CRTC2: variants seen among roughly 807,000 people sequenced by gnomAD.
The protein encoded by CRTC2 is CREB-regulated transcription coactivator 2.
Under a neutral mutation model 70.9 loss-of-function variants are expected in CRTC2, and 25 were observed. The ratio of observed to expected loss-of-function variants is 0.35; its 90% CI spans 0.26 to 0.49. The LOEUF (loss-of-function observed/expected upper bound fraction) is 0.49. Ranked by LOEUF, CRTC2 falls within the 20% of genes least tolerant of loss-of-function variation. CRTC2 has a pLI of 0.98. For missense variants in CRTC2, 737 were observed against 882.6 expected, an observed-to-expected ratio of 0.83 and a Z score of 2.09; for synonymous variants, 330 against 364.1, an observed-to-expected ratio of 0.91 and a Z score of 1.07.
At chr1:153,949,010 C>T (rs1288138913) in intron 12 of CRTC2, 105 bp downstream of exon 12, 4 of 1,275,382 alleles carry the variant, frequency 3.1e-6, no homozygotes, top group Admixed American at 3.4e-5. Context: ...ACCACCCACC[C>T]CACCTAGATC....
intron 11 of CRTC2, among the ~76,000 whole-genome samples, chr1:153,951,028 A>G (rs1680287033): frequency 6.6e-6 from 1 of 152,220 alleles, no homozygotes; most frequent in African/African-American, 2.4e-5. Flanking sequence ...GGTGACTGCT[A>G]GTAAGAGGTG....
At chr1:153,957,488 T>G (rs1440554085) in intron 1 of CRTC2, among the ~76,000 whole-genome samples, 1 of 152,066 alleles carries the variant, frequency 6.6e-6, no homozygotes, top group Non-Finnish European at 1.5e-5. Context: ...CCTCCAGCCT[T>G]GGAAAGCAAG....
chr1:153,955,712 A>C (rs1252098928), intron 1 of CRTC2, among the ~76,000 whole-genome samples: 1 of 150,938 alleles, frequency 6.6e-6, no homozygotes, highest in Non-Finnish European at 1.5e-5. Flanking sequence ...AAAAATAAAG[A>C]AATTATCTGC....
At position 153,952,389 on chromosome 1, in the gene CRTC2, GTACT is replaced by G; in HGVS notation, c.752+4_752+7del. On this transcript the variant is annotated splice_donor_5th_base_variant and intron_variant, in intron 9 of 13. Coordinates refer to ENST00000368633, the MANE Select transcript of CRTC2 (RefSeq NM_181715.3). ...CCCACCTCTCAGCCAACCTCAGGGA[GTACT>G]TACTTAATTCCAGGGACTTCACAGG... The G allele has an allele frequency of 1.2e-6, 2 of 1,614,092 alleles. No individual in the cohort carries two copies. Among genetic ancestry groups the G allele is most frequent in the Non-Finnish European group, 1.7e-6 (2 of 1,179,944 alleles).
chr1:153,952,039 C>T lies in CRTC2; in HGVS notation c.976G>A (p.Gly326Ser), dbSNP rs1271444407. ...HLGISRGMGL[G>S]PGYDAPGLHS... The stretch of plus-strand genomic sequence containing the variant: ...TCACCTGGTGCATCATAGCCTGGGC[C>T]CAGGCCCATGCCCCTGCTGATGCCC... The change falls in exon 10 of 14, where the codon GGC (glycine) becomes AGC (serine). Residue 326 changes from glycine (G) to serine (S), a missense_variant. Around this residue, in one of 3 missense-constraint regions of CRTC2, gnomAD observed 699 missense variants for 823.7 expected, o/e 0.85. Coordinates refer to ENST00000368633, the MANE Select transcript of CRTC2 (RefSeq NM_181715.3). The T allele has an allele frequency of 6.2e-7, 1 of 1,613,748 alleles. No homozygotes were observed. Among genetic ancestry groups the T allele is most frequent in the African/African-American group, 1.3e-5 (1 of 74,906 alleles).
intron 3 of CRTC2, among the ~76,000 whole-genome samples, chr1:153,954,641 GTGAAGACA>G (rs1680531007): frequency 6.6e-6 from 1 of 152,236 alleles, no homozygotes; most frequent in Non-Finnish European, 1.5e-5. Context: ...GCAAGCTGAT[GTGAAGACA>G]GCCAGAGCCA....
intron 12 of CRTC2, chr1:153,948,849 A>T (rs544926863): frequency 9.4e-6 from 7 of 747,384 alleles, no homozygotes; most frequent in Non-Finnish European, 1.6e-5. Flanking sequence ...GGGCCAGAGC[A>T]TGTGCATGCC....
At position 153,951,343 on chromosome 1, in the gene CRTC2, G is replaced by C. The variant is rs1037455921; in HGVS notation, c.1321C>G (p.Pro441Ala). The C allele has an allele frequency of 1.1e-5, 18 of 1,613,750 alleles. No individual in the cohort carries two copies. The highest frequency in any genetic ancestry group is 1.3e-5 in the Non-Finnish European group (15 of 1,179,860). Residue 441 changes from proline (P) to alanine (A), a missense_variant, in exon 11 of 14, where the codon CCA becomes GCA. By Grantham distance (27) the Pro-to-Ala change is conservative (BLOSUM62 -1). Coordinates refer to ENST00000368633, the MANE Select transcript of CRTC2 (RefSeq NM_181715.3). ...PLSPLSLLAG[P>A]ADARRSQQQL... ...TGTTGGGACCTTCTGGCGTCGGCTG[G>C]GCCCGCGAGCAAACTCAGGGGGCTG... is the stretch of plus-strand genomic sequence containing the variant.
chr1:153,955,629 G>C (rs937371767), intron 1 of CRTC2, among the ~76,000 whole-genome samples: 2 of 142,986 alleles, frequency 1.4e-5, no homozygotes, highest in Admixed American at 7.1e-5. Flanking sequence ...AGTGAGACAT[G>C]TTTATGTCAC....
In CRTC2 at chr1:153,952,225, C is replaced by T; in HGVS notation, c.790G>A (p.Val264Ile). The T allele has an allele frequency of 6.2e-7, 1 of 1,611,130 alleles. No individual in the cohort carries two copies. ...PSPDQPANVP[V>I]LPPAMNTGGS... is the part of the protein sequence containing the mutation. ...CCCGTGTTCATGGCAGGTGGGAGGA[C>T]AGGCACATTGGCAGGCTGGTCAGGA... The change falls in exon 10 of 14, where the codon GTC (valine) becomes ATC (isoleucine). Residue 264 changes from valine to isoleucine, a missense_variant. This residue lies in a region of CRTC2 where 699 missense variants were observed against 823.7 expected (regional missense o/e 0.85). Coordinates refer to ENST00000368633, the MANE Select transcript of CRTC2 (RefSeq NM_181715.3).
chr1:153,958,595 A>G lies in CRTC2; in HGVS notation c.-98T>C. 2 of 1,269,162 alleles carry G rather than the reference A, an allele frequency of 1.6e-6. No individual in the cohort carries two copies. Among genetic ancestry groups the G allele is most frequent in the Non-Finnish European group, 1.1e-6 (1 of 939,782 alleles). 78.6% of individuals were successfully genotyped at this position (1,269,162 alleles called of 1,614,324 possible). On this transcript the variant is annotated 5_prime_UTR_variant, in exon 1 of 14. Coordinates refer to ENST00000368633, the MANE Select transcript of CRTC2 (RefSeq NM_181715.3). ...CTCCAGCCGTAGCCACCGCCGCCTC[A>G]GCGAGCACCGCGAACCCGGCCCCAG... is the stretch of plus-strand genomic sequence containing the variant.
chr1:153,952,912 G>T lies in CRTC2; in HGVS notation c.608-78C>A, dbSNP rs552449405. 41 of 1,553,296 alleles carry T rather than the reference G, an allele frequency of 2.6e-5. No individual in the cohort carries two copies. The African/African-American group carries it at 5.0e-4, about 19-fold the overall frequency. ...AAATAGCTCCATGGAGGCCGGGTAT[G>T]GTGGCTCATGCCTGTAATCCCAGCA... is the stretch of plus-strand genomic sequence containing the variant. On this transcript the variant is annotated intron_variant, in intron 6 of 13. Coordinates refer to ENST00000368633, the MANE Select transcript of CRTC2 (RefSeq NM_181715.3).
chr1:153,951,748 G>A (rs1041216619), intron 10 of CRTC2, 82 bp from the exon 11 acceptor site: 11 of 1,472,080 alleles, frequency 7.5e-6, no homozygotes, highest in Non-Finnish European at 1.0e-5. Flanking sequence ...GGGTGGCAGT[G>A]ACCAGACTAT....
At chr1:153,948,821 A>AC in intron 12 of CRTC2, 177 bp from the exon 13 acceptor site, 1 of 782,476 alleles carries the variant, frequency 1.3e-6, no homozygotes, top group Non-Finnish European at 2.2e-6. Context: ...CGAAGTAAGT[A>AC]TGGGCACCGT....
At chr1:153,952,919 C>T in intron 6 of CRTC2, 85 bp from the exon 7 acceptor site, 4 of 1,533,048 alleles carry the variant, frequency 2.6e-6, no homozygotes, top group Non-Finnish European at 3.6e-6. Flanking sequence ...TATGGTGGCT[C>T]ATGCCTGTAA....
At chr1:153,958,237 C>G in intron 1 of CRTC2, 108 bp downstream of exon 1, 1 of 1,486,318 alleles carries the variant, frequency 6.7e-7, no homozygotes, top group Non-Finnish European at 8.9e-7. Flanking sequence ...CCCGCGTCCC[C>G]TGCTCTGTTC....
chr1:153,951,350 G>C lies in CRTC2; in HGVS notation c.1314C>G (p.Leu438=). The change falls in exon 11 of 14, where the codon CTC becomes CTG. Residue 438 remains leucine, a synonymous_variant. Transcript: ENST00000368633. ...RRVPLSPLSL[L]AGPADARRSQ... Reference sequence around the variant, plus strand: ...ACCTTCTGGCGTCGGCTGGGCCCGCGAGCAAACTCAGGGGGCTGAGGGGCA... The same window carrying C: ...ACCTTCTGGCGTCGGCTGGGCCCGCCAGCAAACTCAGGGGGCTGAGGGGCA... 1 of 1,613,592 alleles carries C rather than the reference G, an allele frequency of 6.2e-7. No individual in the cohort carries two copies. The highest frequency in any genetic ancestry group is 8.5e-7 in the Non-Finnish European group (1 of 1,179,770).
intron 6 of CRTC2, 71 bp downstream of exon 6, chr1:153,953,195 A>C: frequency 1.2e-6 from 1 of 822,528 alleles, no homozygotes; most frequent in Non-Finnish European, 1.8e-6. Flanking sequence ...AAAAGAAAGA[A>C]ATAATAAATA....
intron 11 of CRTC2, among the ~76,000 whole-genome samples, chr1:153,950,911 T>A (rs1390702224): frequency 6.6e-6 from 1 of 152,310 alleles, no homozygotes; most frequent in South Asian, 2.1e-4. Context: ...CTGGGCTATG[T>A]GTGGTGCTAA....
Sources: gnomAD v4.1 joint callset for allele counts (sites outside exome capture counted in the v4.1 genomes callset) on GRCh38, gnomAD v4.1.1 for gene constraint, gnomAD v4.1.1 regional missense constraint, MANE v1.5 for transcripts, NCBI Gene and HGNC (gene_info 2026-07-23, HGNC 2026-07-21) for gene names.